Variants in ACTN4 observed in about 807,000 individuals in gnomAD.
ACTN4 encodes the protein actinin alpha 4, also known as alpha-actinin-4.
Under a neutral mutation model 114.2 loss-of-function variants are expected in ACTN4, and 18 were observed. The observed-to-expected ratio is 0.16, with a 90% confidence interval of 0.11 to 0.23. ACTN4 has a LOEUF of 0.23. ACTN4 is among the 10% of genes least tolerant of loss of function. The pLI, the probability that ACTN4 is intolerant of heterozygous loss-of-function variation, is 1.00. For synonymous variants in ACTN4, 515 were observed against 506.3 expected, an observed-to-expected ratio of 1.02 and a Z score of -0.23; for missense variants, 722 against 1,262.9, an observed-to-expected ratio of 0.57 and a Z score of 6.49.
intron 1 of ACTN4, among the ~76,000 whole-genome samples, chr19:38,673,555 ACT>A (rs1441206406): frequency 1.9e-4 from 19 of 98,640 alleles, no homozygotes; most frequent in East Asian, 8.2e-4. Context: ...ATTTATATAT[ACT>A]TATATATATT....
chr19:38,697,688 G>T (rs1412603467), intron 1 of ACTN4, among the ~76,000 whole-genome samples: 1 of 152,242 alleles, frequency 6.6e-6, no homozygotes, highest in African/African-American at 2.4e-5. Flanking sequence ...TGCAGCCCAG[G>T]TGCCTAGGTC....
At chr19:38,699,725 A>C (rs1428937483) in intron 1 of ACTN4, among the ~76,000 whole-genome samples, 2 of 151,602 alleles carry the variant, frequency 1.3e-5, no homozygotes, top group Non-Finnish European at 2.9e-5. Context: ...ACAGCACTCC[A>C]GCCTGGGTGA....
intron 11 of ACTN4, 122 bp downstream of exon 11, chr19:38,718,196 C>T (rs1968912146): frequency 2.0e-6 from 3 of 1,491,610 alleles, no homozygotes; most frequent in South Asian, 1.2e-5. Context: ...CTCAGGTGCC[C>T]TTTCTTGCTG....
intron 1 of ACTN4, among the ~76,000 whole-genome samples, chr19:38,676,880 T>C (rs1967393928): frequency 6.6e-6 from 1 of 152,126 alleles, no homozygotes; most frequent in Non-Finnish European, 1.5e-5. Context: ...CACTCCCATC[T>C]ATTCTTCACA....
chr19:38,655,286 C>T (rs1976680718), intron 1 of ACTN4, among the ~76,000 whole-genome samples: 1 of 152,148 alleles, frequency 6.6e-6, no homozygotes, highest in Non-Finnish European at 1.5e-5. Flanking sequence ...GTGGTTACCA[C>T]TCGGGCTGAA....
chr19:38,655,823 T>C (rs545083447), intron 1 of ACTN4, among the ~76,000 whole-genome samples: 1 of 152,330 alleles, frequency 6.6e-6, no homozygotes, highest in East Asian at 1.9e-4. Flanking sequence ...GTAATTTGCA[T>C]TTTAACTATG....
At chr19:38,701,610 G>A (rs544056274) in intron 3 of ACTN4, among the ~76,000 whole-genome samples, 1 of 152,338 alleles carries the variant, frequency 6.6e-6, no homozygotes, top group East Asian at 1.9e-4. Flanking sequence ...ACTTTGCCCT[G>A]TGTGCATGGG....
intron 1 of ACTN4, among the ~76,000 whole-genome samples, chr19:38,654,998 A>G (rs1422458916): frequency 6.6e-6 from 1 of 151,930 alleles, no homozygotes; most frequent in Non-Finnish European, 1.5e-5. Context: ...GATGAGTTCC[A>G]TTCTCTCCCC....
chr19:38,654,779 T>C (rs1038488839), intron 1 of ACTN4, among the ~76,000 whole-genome samples: 1 of 152,230 alleles, frequency 6.6e-6, no homozygotes, highest in South Asian at 2.1e-4. Flanking sequence ...AGAGAGGCAT[T>C]AACTTGGAAT....
At chr19:38,700,472 G>A (rs1968234560) in intron 1 of ACTN4, 128 bp from the exon 2 acceptor site, 10 of 765,996 alleles carry the variant, frequency 1.3e-5, no homozygotes. Context: ...CATGTACGGT[G>A]TGTGTCGGCG....
intron 13 of ACTN4, 61 bp from the exon 14 acceptor site, chr19:38,723,876 T>G: frequency 5.3e-6 from 5 of 942,480 alleles, no homozygotes; most frequent in Non-Finnish European, 7.8e-6. Flanking sequence ...TCCCCACCCC[T>G]CCTGCTCACA....
chr19:38,671,792 A>G (rs1967136764), intron 1 of ACTN4, among the ~76,000 whole-genome samples: 3 of 152,250 alleles, frequency 2.0e-5, no homozygotes, highest in Non-Finnish European at 2.9e-5. Context: ...GTCTGGGAAA[A>G]GCCAGGAAGC....
chr19:38,680,925 A>T (rs1967546742), intron 1 of ACTN4, among the ~76,000 whole-genome samples: 2 of 152,006 alleles, frequency 1.3e-5, no homozygotes, highest in African/African-American at 4.8e-5. Flanking sequence ...CAGGAGTTCG[A>T]GACCAGCCTG....
intron 1 of ACTN4, among the ~76,000 whole-genome samples, chr19:38,674,382 G>T (rs1967308325): frequency 6.6e-6 from 1 of 152,174 alleles, no homozygotes; most frequent in South Asian, 2.1e-4. Flanking sequence ...TTTTATTCTA[G>T]CTGCAATGAG....
chr19:38,724,478 G>A lies in ACTN4; in HGVS notation c.1923G>A (p.Gln641=), dbSNP rs773357692. 6.2e-7 allele frequency: 1 copy of A among 1,613,598 alleles called. No homozygotes were observed. The highest frequency in any genetic ancestry group is 8.5e-7 in the Non-Finnish European group (1 of 1,180,008). The change falls in exon 16 of 21, where the codon CAG becomes CAA. Residue 641 remains glutamine, a synonymous_variant. Coordinates refer to ENST00000252699, the MANE Select transcript of ACTN4 (RefSeq NM_004924.6). This position sits in a 1 kb window ranked among gnomAD's most constrained non-coding sequence, Gnocchi z 7.0. ...PKRDHALLEE[Q]SKQQSNEHLR... Reference sequence around the variant, plus strand: ...GGGACCATGCCCTCCTGGAGGAGCAGAGCAAGCAGCAGTCCAACGAGCACC... The same window carrying A: ...GGGACCATGCCCTCCTGGAGGAGCAAAGCAAGCAGCAGTCCAACGAGCACC...
rs767861850 is a variant in ACTN4 at position 38,729,347 on chromosome 19, C to T, written c.2651C>T (p.Ala884Val). ...GCCGAGTACTGCATCGCCCGCATGG[C>T]GCCATACCAGGGCCCTGACGCCGTG... ...DQAEYCIARM[A>V]PYQGPDAVPG... The change falls in exon 21 of 21, where the codon GCG (alanine) becomes GTG (valine). Residue 884 changes from alanine to valine, a missense_variant. Ala to Val is a moderately conservative substitution (Grantham distance 64). This residue lies in a region of ACTN4 where 523 missense variants were observed against 875.9 expected (regional missense o/e 0.60). Transcript: ENST00000252699. 6.2e-6 allele frequency: 10 copies of T among 1,612,450 alleles called. No individual in the cohort carries two copies. Among genetic ancestry groups the T allele is most frequent in the East Asian group, 2.2e-5 (1 of 44,862 alleles).
At chr19:38,657,037 C>CT (rs1976731774) in intron 1 of ACTN4, among the ~76,000 whole-genome samples, 1 of 150,444 alleles carries the variant, frequency 6.6e-6, no homozygotes, top group African/African-American at 2.4e-5. Context: ...GTGCAGTGGC[C>CT]TAATCATAAC....
chr19:38,728,107 TC>T, intron 19 of ACTN4, 81 bp downstream of exon 19: 1 of 1,491,662 alleles, frequency 6.7e-7, no homozygotes, highest in Non-Finnish European at 9.1e-7. Flanking sequence ...CCCCTCGCCA[TC>T]CCACCCCTGC....
Position 38,695,574 on chromosome 19 carries a change from C to T in ACTN4, c.163-5026C>T, listed in dbSNP as rs949351043. On this transcript the variant is annotated intron_variant, in intron 1 of 20. Transcript: ENST00000252699. Reference sequence around the variant, plus strand: ...GCCATCACACATTGACCCTTGTCCCCTTCGGCTCTTTCCCTGCATGGCAGG... The same window carrying T: ...GCCATCACACATTGACCCTTGTCCCTTTCGGCTCTTTCCCTGCATGGCAGG... 2.6e-5 allele frequency among the ~76,000 whole-genome samples: 4 copies of T among 152,164 alleles called. No individual in the cohort carries two copies. In the East Asian group the frequency reaches 5.8e-4, roughly 22 times the overall value.
Sources: allele counts gnomAD v4.1 joint callset (sites outside exome capture counted in the v4.1 genomes callset), GRCh38; gene constraint gnomAD v4.1.1; regional missense constraint gnomAD v4.1.1; non-coding constraint Gnocchi (gnomAD v3.1); transcripts MANE v1.5; gene names NCBI Gene and HGNC (gene_info 2026-07-23, HGNC 2026-07-21).